The following PHACTR1 variants were observed in gnomAD, a reference collection of about 807,000 sequenced individuals.
PHACTR1 encodes RPEL repeat containing 1.
Under a neutral mutation model 69.2 loss-of-function variants are expected in PHACTR1, and 16 were observed. The ratio of observed to expected loss-of-function variants is 0.23; its 90% CI spans 0.16 to 0.35. The LOEUF is 0.35. Ranked by LOEUF, PHACTR1 falls within the 10% of genes least tolerant of loss-of-function variation. PHACTR1 has a pLI of 1.00. For missense variants in PHACTR1, 510 were observed against 734.7 expected (o/e 0.69, Z 3.54); for synonymous variants, 312 against 284.5 (o/e 1.10, Z -0.97).
chr6:12,819,635 A>G (rs545967859), intron 4 of PHACTR1, among the ~76,000 whole-genome samples: 26 of 152,304 alleles, frequency 1.7e-4, no homozygotes, highest in African/African-American at 6.3e-4. Flanking sequence ...CTGATGACCA[A>G]ATGAAATTGT....
chr6:12,795,483 G>GA (rs1256335921), intron 4 of PHACTR1, among the ~76,000 whole-genome samples: 2 of 152,158 alleles, frequency 1.3e-5, no homozygotes, highest in Non-Finnish European at 2.9e-5. Flanking sequence ...TGCTCCTGGG[G>GA]AAGAACATTT....
intron 4 of PHACTR1, among the ~76,000 whole-genome samples, chr6:13,036,734 A>G (rs1182725773): frequency 1.3e-5 from 2 of 152,180 alleles, no homozygotes; most frequent in African/African-American, 4.8e-5. Context: ...TTGGAGGTAG[A>G]TGCTGTCTCT....
intron 4 of PHACTR1, among the ~76,000 whole-genome samples, chr6:13,025,610 C>T (rs570048095): frequency 2.0e-4 from 30 of 151,294 alleles, no homozygotes; most frequent in Non-Finnish European, 3.4e-4. Flanking sequence ...TCTAGGAAGA[C>T]GACATCTAAT....
chr6:12,746,282 C>T (rs979556618), intron 3 of PHACTR1, among the ~76,000 whole-genome samples: 3 of 152,184 alleles, frequency 2.0e-5, no homozygotes, highest in Non-Finnish European at 4.4e-5. Flanking sequence ...GCCTGTAATG[C>T]CAACACTTTG....
intron 4 of PHACTR1, chr6:12,957,470 G>T: frequency 1.0e-6 from 1 of 985,434 alleles, no homozygotes; most frequent in Non-Finnish European, 1.2e-6. Flanking sequence ...GCAACCGGTT[G>T]CCTCCAATGT....
intron 4 of PHACTR1, among the ~76,000 whole-genome samples, chr6:12,991,872 C>G (rs1471410171): frequency 6.6e-6 from 1 of 151,742 alleles, no homozygotes; most frequent in Non-Finnish European, 1.5e-5. Context: ...ATGTAATAAG[C>G]CTTGCAAATT....
intron 4 of PHACTR1, among the ~76,000 whole-genome samples, chr6:12,902,493 C>T (rs1046328202): frequency 3.9e-5 from 6 of 152,282 alleles, no homozygotes; most frequent in South Asian, 2.1e-4. Flanking sequence ...CTTCTAGGTT[C>T]GTCCATTGGA....
At chr6:12,955,301 G>C (rs1190268037) in intron 4 of PHACTR1, among the ~76,000 whole-genome samples, 1 of 149,214 alleles carries the variant, frequency 6.7e-6, no homozygotes, top group Non-Finnish European at 1.5e-5. Context: ...TGGGCTCAAG[G>C]GATCCTCCCA....
At chr6:12,934,375 A>G (rs530388773) in intron 4 of PHACTR1, among the ~76,000 whole-genome samples, 45 of 152,334 alleles carry the variant, frequency 3.0e-4, no homozygotes, top group African/African-American at 9.9e-4. Flanking sequence ...CAAGTACTGG[A>G]TGTTAGAATG....
chr6:12,804,051 G>T (rs1193353774), intron 4 of PHACTR1, among the ~76,000 whole-genome samples: 2 of 152,134 alleles, frequency 1.3e-5, no homozygotes, highest in Non-Finnish European at 2.9e-5. Context: ...AGAAAAATTC[G>T]GCTTAGAGGT....
intron 4 of PHACTR1, among the ~76,000 whole-genome samples, chr6:12,928,347 T>A (rs1788497841): frequency 6.6e-6 from 1 of 152,100 alleles, no homozygotes; most frequent in South Asian, 2.1e-4. Flanking sequence ...CCCCTCAAAA[T>A]GCCCGGCACG....
intron 4 of PHACTR1, among the ~76,000 whole-genome samples, chr6:12,785,972 A>G (rs1360801779): frequency 2.6e-5 from 4 of 152,196 alleles, no homozygotes; most frequent in Non-Finnish European, 5.9e-5. Context: ...CAACGGTTAT[A>G]TTGTGCTAAT....
intron 4 of PHACTR1, among the ~76,000 whole-genome samples, chr6:12,908,507 T>TA (rs71801444): frequency 2.4e-4 from 35 of 146,144 alleles, no homozygotes; most frequent in African/African-American, 3.0e-4. Context: ...TGCAGAGATT[T>TA]AAAAAAAAAA....
intron 4 of PHACTR1, among the ~76,000 whole-genome samples, chr6:13,013,800 G>T (rs1308331885): frequency 1.3e-5 from 2 of 149,432 alleles, no homozygotes; most frequent in Non-Finnish European, 3.0e-5. Context: ...CGCGGGCGGG[G>T]CGGGGGCATG....
chr6:12,950,053 G>C (rs7769758), intron 4 of PHACTR1, among the ~76,000 whole-genome samples: 13,864 of 152,216 alleles, frequency 0.091, 1,483 homozygotes, highest in African/African-American at 0.26. Flanking sequence ...CCAGCATTTA[G>C]CTGTTTAAAA....
At chr6:12,827,238 G>A (rs1478955528) in intron 4 of PHACTR1, among the ~76,000 whole-genome samples, 1 of 152,166 alleles carries the variant, frequency 6.6e-6, no homozygotes, top group South Asian at 2.1e-4. Context: ...TCACCACATA[G>A]ATGAGAAGGC....
At chr6:12,997,636 T>G (rs551800789) in intron 4 of PHACTR1, among the ~76,000 whole-genome samples, 1 of 152,212 alleles carries the variant, frequency 6.6e-6, no homozygotes, top group East Asian at 1.9e-4. Flanking sequence ...ATATTCAAAA[T>G]CCTCTCTTCT....
intron 4 of PHACTR1, among the ~76,000 whole-genome samples, chr6:12,897,369 A>T (rs1347280480): frequency 1.3e-5 from 2 of 151,318 alleles, no homozygotes; most frequent in African/African-American, 4.9e-5. Flanking sequence ...CTGGCCACAG[A>T]CTCCACCCAT....
At chr6:13,132,854 C>G (rs923864326) in intron 5 of PHACTR1, among the ~76,000 whole-genome samples, 1 of 152,028 alleles carries the variant, frequency 6.6e-6, no homozygotes, top group African/African-American at 2.4e-5. Flanking sequence ...GTTGGGGCGG[C>G]TGTGGCAATT....
Sources: gnomAD v4.1 joint callset for allele counts (sites outside exome capture counted in the v4.1 genomes callset) on GRCh38, gnomAD v4.1.1 for gene constraint, MANE v1.5 for transcripts, NCBI Gene and HGNC (gene_info 2026-07-23, HGNC 2026-07-21) for gene names.